Variants in POU6F2 observed in about 807,000 individuals in gnomAD.
POU6F2 encodes the protein POU class 6 homeobox 2.
A neutral mutation model predicts 71.3 loss-of-function variants in POU6F2; 31 were observed. The ratio of observed to expected loss-of-function variants is 0.43; its 90% CI spans 0.33 to 0.59. The LOEUF (loss-of-function observed/expected upper bound fraction) is 0.59. POU6F2 is among the 20% of genes least tolerant of loss of function. The probability of loss-of-function intolerance (pLI) is 0.04; values close to 1 mark genes in which losing one functional copy is unlikely to be tolerated. For synonymous variants in POU6F2, 347 were observed against 355.7 expected, an observed-to-expected ratio of 0.98 and a Z score of 0.27; for missense variants, 783 against 856.8, an observed-to-expected ratio of 0.91 and a Z score of 1.07.
intron 1 of POU6F2, among the ~76,000 whole-genome samples, chr7:39,016,136 TTATATC>T (rs1330456756): frequency 1.8e-5 from 2 of 113,280 alleles, no homozygotes; most frequent in Admixed American, 2.3e-4. Flanking sequence ...ATATTATACA[TTATATC>T]TATATTATAT....
intron 1 of POU6F2, among the ~76,000 whole-genome samples, chr7:39,046,737 C>A (rs1790299119): frequency 1.3e-5 from 2 of 151,846 alleles, no homozygotes; most frequent in South Asian, 4.1e-4. Context: ...CTGGTTATGA[C>A]AACTGAAAAT....
intron 4 of POU6F2, among the ~76,000 whole-genome samples, chr7:39,225,844 A>T (rs1377345891): frequency 1.3e-5 from 2 of 152,180 alleles, no homozygotes; most frequent in African/African-American, 4.8e-5. Flanking sequence ...ATTTTGTCAT[A>T]ACAAATGTTT....
intron 2 of POU6F2, among the ~76,000 whole-genome samples, chr7:39,201,685 C>A (rs1793906611): frequency 6.6e-6 from 1 of 152,152 alleles, no homozygotes; most frequent in East Asian, 1.9e-4. Context: ...CAGGAGGAAC[C>A]CACCCAACCC....
chr7:38,979,551 G>A (rs908700438), intron 1 of POU6F2, among the ~76,000 whole-genome samples: 7 of 152,104 alleles, frequency 4.6e-5, no homozygotes, highest in Non-Finnish European at 7.4e-5. Context: ...TCTCTAGGCA[G>A]GAGAAAATAT....
rs1340836586 is a variant in POU6F2 at position 39,399,870 on chromosome 7, AAGAAAG to A, written c.973-6728_973-6723del. ...GTCTCAAGAATGTAACAAAAAAAAA[AAGAAAG>A]AAAGAAAGAAAAAGAAAAGAAAGGT... On this transcript the variant is annotated intron_variant, in intron 5 of 9. Transcript: ENST00000518318. Among the ~76,000 whole-genome samples the A allele has an allele frequency of 6.5e-3, 298 of 45,648 alleles. 5 individuals carry two copies. Among genetic ancestry groups the A allele is most frequent in the African/African-American group, 0.027 (262 of 9,616 alleles). The allele number at this position is 45,648 out of a possible 152,430, so 29.9% of individuals were successfully genotyped here.
intron 1 of POU6F2, among the ~76,000 whole-genome samples, chr7:39,048,044 CT>C (rs1221517912): frequency 6.6e-6 from 1 of 151,840 alleles, no homozygotes; most frequent in Non-Finnish European, 1.5e-5. Flanking sequence ...AGACTTTACT[CT>C]TTCTCTATTT....
At chr7:39,447,769 A>G (rs1043371743) in intron 7 of POU6F2, among the ~76,000 whole-genome samples, 5 of 152,012 alleles carry the variant, frequency 3.3e-5, no homozygotes, top group African/African-American at 9.7e-5. Flanking sequence ...AACTCCCTGC[A>G]TTTTCTTTTG....
intron 4 of POU6F2, among the ~76,000 whole-genome samples, chr7:39,276,455 A>G (rs1326761278): frequency 0.011 from 1,616 of 151,698 alleles, 27 homozygotes; most frequent in African/African-American, 0.037. Flanking sequence ...CTGTTGGTGG[A>G]ACTGTAAACT....
rs150666940 is a variant in POU6F2, at chr7:39,370,346, G to T, written c.972+30331G>T. On this transcript the variant is annotated intron_variant, in intron 5 of 9. Coordinates refer to ENST00000518318, the MANE Select transcript of POU6F2 (RefSeq NM_001370959.1). Reference sequence around the variant, plus strand: ...TAAGAGAACATAGTAAAGGATAAACGGTGTAGGAAGACAGCAGTTGCTCTC... The same window carrying T: ...TAAGAGAACATAGTAAAGGATAAACTGTGTAGGAAGACAGCAGTTGCTCTC... 4.1e-3 allele frequency among the ~76,000 whole-genome samples: 628 copies of T among 152,308 alleles called. 3 individuals carry two copies. The highest frequency in any genetic ancestry group is 0.014 in the African/African-American group (575 of 41,562).
intron 4 of POU6F2, among the ~76,000 whole-genome samples, chr7:39,263,093 T>A (rs1784169978): frequency 6.6e-6 from 1 of 152,236 alleles, no homozygotes; most frequent in African/African-American, 2.4e-5. Flanking sequence ...AGACCTCTTT[T>A]GTGTGCTTTT....
In POU6F2 at chr7:39,104,336, T is replaced by TGTTAGCTGTGGCACTAAC. The variant is rs537469537; in HGVS notation, c.277+18305_277+18306insGTTAGCTGTGGCACTAAC. Among the ~76,000 whole-genome samples, 11 of 152,378 alleles carry TGTTAGCTGTGGCACTAAC rather than the reference T, an allele frequency of 7.2e-5. No homozygotes were observed. In the East Asian group the frequency reaches 2.1e-3, roughly 29 times the overall value. ...GCAAGCCTGGTAGAGATAGTGCATT[T>TGTTAGCTGTGGCACTAAC]CTGTCTGACTTAGTGTTAGCTGTGG... On this transcript the variant is annotated intron_variant, in intron 2 of 9. Coordinates refer to ENST00000518318, the MANE Select transcript of POU6F2 (RefSeq NM_001370959.1).
chr7:39,032,131 A>G (rs1789958079), intron 1 of POU6F2, among the ~76,000 whole-genome samples: 1 of 152,108 alleles, frequency 6.6e-6, no homozygotes, highest in South Asian at 2.1e-4. Context: ...TACGACATAG[A>G]CTTTCCTGTT....
intron 1 of POU6F2, among the ~76,000 whole-genome samples, chr7:39,035,284 C>A (rs989520605): frequency 6.6e-6 from 1 of 151,996 alleles, no homozygotes; most frequent in African/African-American, 2.4e-5. Flanking sequence ...GCAGTTTCCC[C>A]TCCAGAATAA....
intron 4 of POU6F2, among the ~76,000 whole-genome samples, chr7:39,215,300 A>G (rs931029923): frequency 2.6e-5 from 4 of 152,140 alleles, no homozygotes; most frequent in Non-Finnish European, 5.9e-5. Context: ...AGCTGAGATC[A>G]CGCCACTGGA....
At chr7:39,197,173 T>C (rs1793804903) in intron 2 of POU6F2, among the ~76,000 whole-genome samples, 2 of 152,162 alleles carry the variant, frequency 1.3e-5, no homozygotes, top group South Asian at 4.1e-4. Context: ...GGCTGCCCAC[T>C]CTCTGCCCCT....
Position 39,410,686 on chromosome 7 carries a change from A to G in POU6F2, c.1113+3946A>G, listed in dbSNP as rs548661701. On this transcript the variant is annotated intron_variant, in intron 6 of 9. Coordinates refer to ENST00000518318, the MANE Select transcript of POU6F2 (RefSeq NM_001370959.1). ...CTAAGCTCCTAGGTTATGAAGATTA[A>G]ATGAGATAATGTGTGGGGAAAGCCT... Among the ~76,000 whole-genome samples the G allele has an allele frequency of 1.2e-4, 18 of 152,316 alleles. No homozygotes were observed. In the South Asian group the frequency reaches 3.7e-3, roughly 32 times the overall value.
intron 2 of POU6F2, among the ~76,000 whole-genome samples, chr7:39,170,748 C>T (rs1181376065): frequency 6.6e-6 from 1 of 151,692 alleles, no homozygotes; most frequent in Non-Finnish European, 1.5e-5. Flanking sequence ...GTAGTGTTCC[C>T]AACGCAAAGA....
rs190453163 is a variant in POU6F2, at chr7:39,069,496, A to G, written c.106-16364A>G. Among the ~76,000 whole-genome samples, 325 of 152,266 alleles carry G rather than the reference A, an allele frequency of 2.1e-3. 2 individuals are homozygous for G. The highest frequency in any genetic ancestry group is 3.4e-3 in the Non-Finnish European group (231 of 68,012). On this transcript the variant is annotated intron_variant, in intron 1 of 9. Transcript: ENST00000518318. ...GAAGTGACAGATTTTATTTTAGCTGAAGGAAATAAAATTGACCCTTGAGCA... is the reference window on the plus strand; with the variant it reads ...GAAGTGACAGATTTTATTTTAGCTGGAGGAAATAAAATTGACCCTTGAGCA...
chr7:39,342,257 T>C (rs1337091767), intron 5 of POU6F2, among the ~76,000 whole-genome samples: 3 of 152,154 alleles, frequency 2.0e-5, no homozygotes, highest in East Asian at 1.9e-4. Context: ...ATAAAGGAAA[T>C]AGAGAATATT....
Sources: gnomAD v4.1 joint callset for allele counts (sites outside exome capture counted in the v4.1 genomes callset) on GRCh38, gnomAD v4.1.1 for gene constraint, MANE v1.5 for transcripts, NCBI Gene and HGNC (gene_info 2026-07-23, HGNC 2026-07-21) for gene names.